HUS1B: variants seen among roughly 807,000 people sequenced by gnomAD.
HUS1B encodes HUS1 checkpoint clamp component B.
For missense variants in HUS1B, 475 were observed against 390.4 expected, an observed-to-expected ratio of 1.22 and a Z score of -1.83; for synonymous variants, 207 against 176.2, an observed-to-expected ratio of 1.17 and a Z score of -1.38.
Position 656,729 on chromosome 6 carries a change from C to A in HUS1B, c.216G>T (p.Ser72=), listed in dbSNP as rs763833864. The A allele has an allele frequency of 3.1e-6, 5 of 1,593,902 alleles. No homozygotes were observed. In the East Asian group the frequency reaches 9.0e-5, roughly 29 times the overall value. The change falls in exon 1 of 1, where the codon TCG becomes TCT. Residue 72 remains serine (S), a synonymous_variant. Transcript: ENST00000380907. Reference sequence around the variant, plus strand: ...CCAGGTGGATCTCATCGAGATCTTCCGAGACACCTTCCATGCGAAACTGCT... The same window carrying A: ...CCAGGTGGATCTCATCGAGATCTTCAGAGACACCTTCCATGCGAAACTGCT... ...AFQQFRMEGV[S]EDLDEIHLEL...
Position 656,041 on chromosome 6 carries a change from A to G in HUS1B, c.*67T>C. The G allele has an allele frequency of 1.7e-6, 2 of 1,203,050 alleles. No homozygotes were observed. Among genetic ancestry groups the G allele is most frequent in the Non-Finnish European group, 2.4e-6 (2 of 837,206 alleles). The allele number at this position is 1,203,050 out of a possible 1,614,324, so 74.5% of individuals were successfully genotyped here. On this transcript the variant is annotated 3_prime_UTR_variant, in exon 1 of 1. Coordinates refer to ENST00000380907, the MANE Select transcript of HUS1B (RefSeq NM_148959.4). ...AAGGTCCAAATTTTCAACCCAATTA[A>G]CTCAGGGTCTGTTTTAGTTTTGAAA...
rs201117840 is a variant in HUS1B, at chr6:656,546, G to A, written c.399C>T (p.Pro133=). The A allele has an allele frequency of 1.1e-4, 169 of 1,600,032 alleles. 1 individual carries two copies. Among genetic ancestry groups the A allele is most frequent in the Admixed American group, 1.5e-4 (9 of 59,568 alleles). ...GRARSVVHDL[P]VRVLPRRVWR... Reference sequence around the variant, plus strand: ...ACACTCTCCTGGGAAGCACCCGCACGGGCAGATCGTGCACCACGCTGCGAG... The same window carrying A: ...ACACTCTCCTGGGAAGCACCCGCACAGGCAGATCGTGCACCACGCTGCGAG... Residue 133 remains proline (P), a synonymous_variant, in exon 1 of 1, where the codon CCC becomes CCT. Transcript: ENST00000380907.
In HUS1B at chr6:656,841, C is replaced by T. The variant is rs757961681; in HGVS notation, c.104G>A (p.Arg35His). 2.5e-6 allele frequency: 4 copies of T among 1,610,498 alleles called. No homozygotes were observed. The highest frequency in any genetic ancestry group is 1.3e-5 in the African/African-American group (1 of 74,802). The change falls in exon 1 of 1, where the codon CGC becomes CAC. Residue 35 changes from arginine (R) to histidine (H), a missense_variant. By Grantham distance (29) the Arg-to-His change is conservative (BLOSUM62 0). Transcript: ENST00000380907. ...GGGGCCGAAGCACAGGCTGTCAGGG[C>T]GCACGCGGAGCACGCAGACCTTCGC... is the stretch of plus-strand genomic sequence containing the variant. Reference protein sequence around the residue: ...RLAKVCVLRVRPDSLCFGPAG... With the variant: ...RLAKVCVLRVHPDSLCFGPAG...
chr6:656,043 T>A lies in HUS1B; in HGVS notation c.*65A>T. On this transcript the variant is annotated 3_prime_UTR_variant, in exon 1 of 1. Coordinates refer to ENST00000380907, the MANE Select transcript of HUS1B (RefSeq NM_148959.4). ...GGTCCAAATTTTCAACCCAATTAAC[T>A]CAGGGTCTGTTTTAGTTTTGAAAAG... The A allele has an allele frequency of 1.6e-6, 2 of 1,220,368 alleles. No homozygotes were observed. The highest frequency in any genetic ancestry group is 1.4e-5 in the South Asian group (1 of 71,498). The allele number at this position is 1,220,368 out of a possible 1,614,324, so 75.6% of individuals were successfully genotyped here. A position where few individuals can be genotyped will look rare whatever the true frequency, so the allele number is the denominator to read the frequency against.
chr6:656,089 A>C lies in HUS1B; in HGVS notation c.*19T>G, dbSNP rs760522430. 2 of 1,552,394 alleles carry C rather than the reference A, an allele frequency of 1.3e-6. No homozygotes were observed. The highest frequency in any genetic ancestry group is 1.8e-6 in the Non-Finnish European group (2 of 1,131,492). On this transcript the variant is annotated 3_prime_UTR_variant, in exon 1 of 1. Transcript: ENST00000380907. Reference sequence around the variant, plus strand: ...AAAAGATCAAAACCTTAAAAAAAAAATCTAAGCTGGCTGAATTTTTACAAG... The same window carrying C: ...AAAAGATCAAAACCTTAAAAAAAAACTCTAAGCTGGCTGAATTTTTACAAG...
chr6:656,769 C>T lies in HUS1B; in HGVS notation c.176G>A (p.Arg59Gln), dbSNP rs1277098746. The T allele has an allele frequency of 6.3e-7, 1 of 1,592,722 alleles. No homozygotes were observed. Among genetic ancestry groups the T allele is most frequent in the South Asian group, 1.1e-5 (1 of 89,010 alleles). The change falls in exon 1 of 1, where the codon CGG becomes CAG. Residue 59 changes from arginine to glutamine, a missense_variant. Arg to Gln is a conservative substitution (Grantham distance 43). Coordinates refer to ENST00000380907, the MANE Select transcript of HUS1B (RefSeq NM_148959.4). ...LHEARLWCEV[R>Q]QGAFQQFRME... ...GCGAAACTGCTGGAAGGCCCCCTGCCGCACCTCGCACCACAGCCTGGCCTC... is the reference window on the plus strand; with the variant it reads ...GCGAAACTGCTGGAAGGCCCCCTGCTGCACCTCGCACCACAGCCTGGCCTC...
At position 656,466 on chromosome 6, in the gene HUS1B, G is replaced by C. The variant is rs773687295; in HGVS notation, c.479C>G (p.Pro160Arg). The change falls in exon 1 of 1, where the codon CCG becomes CGG. Residue 160 changes from proline to arginine, a missense_variant. Transcript: ENST00000380907. ...GATGCTCCTCAGCGTCCTCCAGCGCGGCAGGCGGATGCTCGCGTCGGAGGC... is the reference window on the plus strand; with the variant it reads ...GATGCTCCTCAGCGTCCTCCAGCGCCGCAGGCGGATGCTCGCGTCGGAGGC... ...LRASDASIRL[P>R]RWRTLRSIVE... The C allele has an allele frequency of 4.3e-6, 7 of 1,612,110 alleles. No individual in the cohort carries two copies. The highest frequency in any genetic ancestry group is 5.9e-6 in the Non-Finnish European group (7 of 1,179,208).
the HUS1B span, chr6:656,471 G>GCGGATGCT: frequency 6.2e-7 from 1 of 1,611,478 alleles, no homozygotes; most frequent in South Asian, 1.1e-5. Flanking sequence ...AGCGCGGCAG[G>GCGGATGCT]CGGATGCTCG....
chr6:657,060 C>G lies in HUS1B; in HGVS notation c.-116G>C. ...CCCCGCCCTCCCTCCGGCCCCCCAG[C>G]TAGGCAGGCACTCGGGTTCCCGGTT... is the stretch of plus-strand genomic sequence containing the variant. On this transcript the variant is annotated 5_prime_UTR_variant, in exon 1 of 1. Coordinates refer to ENST00000380907, the MANE Select transcript of HUS1B (RefSeq NM_148959.4). The G allele has an allele frequency of 2.3e-6, 2 of 870,044 alleles. No individual in the cohort carries two copies. The highest frequency in any genetic ancestry group is 1.7e-6 in the Non-Finnish European group (1 of 593,324). The allele number at this position is 870,044 out of a possible 1,614,324, so 53.9% of individuals were successfully genotyped here.
Position 656,332 on chromosome 6 carries a change from T to C in HUS1B, c.613A>G (p.Lys205Glu). 6.2e-7 allele frequency: 1 copy of C among 1,614,158 alleles called. No homozygotes were observed. Reference protein sequence around the residue: ...TEVVSIQSYFKNLGNPPQSAV... With the variant: ...TEVVSIQSYFENLGNPPQSAV... Reference sequence around the variant, plus strand: ...GACTGGGGAGGGTTTCCAAGATTTTTAAAATAACTTTGAATGGACACCACC... The same window carrying C: ...GACTGGGGAGGGTTTCCAAGATTTTCAAAATAACTTTGAATGGACACCACC... The change falls in exon 1 of 1, where the codon AAA becomes GAA. Residue 205 changes from lysine (K) to glutamate (E), a missense_variant. Lys to Glu is a moderately conservative substitution (Grantham distance 56). Transcript: ENST00000380907.
rs1763153820 is a variant in HUS1B, at chr6:656,976, G to T, written c.-32C>A. On this transcript the variant is annotated 5_prime_UTR_variant, in exon 1 of 1. Coordinates refer to ENST00000380907, the MANE Select transcript of HUS1B (RefSeq NM_148959.4). ...ACAGGGAAGGCAGCTGGGGGCCTCTGAGGGGGATTCCGCGTGCCACAAGCC... is the reference window on the plus strand; with the variant it reads ...ACAGGGAAGGCAGCTGGGGGCCTCTTAGGGGGATTCCGCGTGCCACAAGCC... The T allele has an allele frequency of 2.7e-6, 4 of 1,485,902 alleles. No homozygotes were observed. In the East Asian group the frequency reaches 9.9e-5, roughly 37 times the overall value. 92.0% of individuals were successfully genotyped at this position (1,485,902 alleles called of 1,614,324 possible).
rs201176240 is a variant in HUS1B, at chr6:656,464, G to C, written c.481C>G (p.Arg161Gly). 13 of 1,612,334 alleles carry C rather than the reference G, an allele frequency of 8.1e-6. No homozygotes were observed. The highest frequency in any genetic ancestry group is 1.3e-5 in the African/African-American group (1 of 75,074). The change falls in exon 1 of 1, where the codon CGC (arginine) becomes GGC (glycine). Residue 161 changes from arginine (R) to glycine (G), a missense_variant. Transcript: ENST00000380907. The part of the protein sequence containing the change: ...RASDASIRLP[R>G]WRTLRSIVER... ...ACGATGCTCCTCAGCGTCCTCCAGCGCGGCAGGCGGATGCTCGCGTCGGAG... is the reference window on the plus strand; with the variant it reads ...ACGATGCTCCTCAGCGTCCTCCAGCCCGGCAGGCGGATGCTCGCGTCGGAG...
chr6:657,054 C>A lies in HUS1B; in HGVS notation c.-110G>T. 1 of 933,104 alleles carries A rather than the reference C, an allele frequency of 1.1e-6. No homozygotes were observed. The allele number at this position is 933,104 out of a possible 1,614,324, so 57.8% of individuals were successfully genotyped here. ...TGCCCTCCCCGCCCTCCCTCCGGCC[C>A]CCCAGCTAGGCAGGCACTCGGGTTC... On this transcript the variant is annotated 5_prime_UTR_variant, in exon 1 of 1. Coordinates refer to ENST00000380907, the MANE Select transcript of HUS1B (RefSeq NM_148959.4).
Position 656,722 on chromosome 6 carries a change from G to A in HUS1B, c.223C>T (p.Leu75Phe). 6.3e-7 allele frequency: 1 copy of A among 1,597,040 alleles called. No homozygotes were observed. Among genetic ancestry groups the A allele is most frequent in the Non-Finnish European group, 8.5e-7 (1 of 1,170,600 alleles). ...GTCAGCTCCAGGTGGATCTCATCGA[G>A]ATCTTCCGAGACACCTTCCATGCGA... ...QFRMEGVSED[L>F]DEIHLELTAE... Residue 75 changes from leucine (L) to phenylalanine (F), a missense_variant, in exon 1 of 1, where the codon CTC (leucine) becomes TTC (phenylalanine). Transcript: ENST00000380907.
Position 655,985 on chromosome 6 carries a change from C to T in HUS1B, c.*123G>A, listed in dbSNP as rs915287635. 2.8e-6 allele frequency: 2 copies of T among 707,800 alleles called. No individual in the cohort carries two copies. Among genetic ancestry groups the T allele is most frequent in the African/African-American group, 3.6e-5 (2 of 56,318 alleles). 43.8% of individuals were successfully genotyped at this position (707,800 alleles called of 1,614,324 possible). A position where few individuals can be genotyped will look rare whatever the true frequency, so the allele number is the denominator to read the frequency against. ...TAAATTTTGCAAAGGAGGAAGGGCT[C>T]AACAAAATATACGCCCTGCATAAGT... On this transcript the variant is annotated 3_prime_UTR_variant, in exon 1 of 1. Transcript: ENST00000380907.
Position 656,411 on chromosome 6 carries a change from G to T in HUS1B, c.534C>A (p.His178Gln), listed in dbSNP as rs201200803. Residue 178 changes from histidine (H) to glutamine (Q), a missense_variant, in exon 1 of 1, where the codon CAC (histidine) becomes CAA (glutamine). By Grantham distance (24) the His-to-Gln change is conservative. Coordinates refer to ENST00000380907, the MANE Select transcript of HUS1B (RefSeq NM_148959.4). ...IVERMANVGS[H>Q]VLVEANLSGR... ...CACTGAGGTTTGCTTCCACCAGCAC[G>T]TGACTGCCCACGTTCGCCATCCTCT... is the stretch of plus-strand genomic sequence containing the variant. 6.2e-7 allele frequency: 1 copy of T among 1,614,098 alleles called. No individual in the cohort carries two copies.
rs375336054 is a variant in HUS1B, at chr6:656,989, C to T, written c.-45G>A. ...CTGGGGGCCTCTGAGGGGGATTCCG[C>T]GTGCCACAAGCCCTTCCGGTCCGCT... On this transcript the variant is annotated 5_prime_UTR_variant, in exon 1 of 1. Coordinates refer to ENST00000380907, the MANE Select transcript of HUS1B (RefSeq NM_148959.4). 43 of 1,456,654 alleles carry T rather than the reference C, an allele frequency of 3.0e-5. No individual in the cohort carries two copies. Among genetic ancestry groups the T allele is most frequent in the Non-Finnish European group, 3.1e-5 (34 of 1,086,542 alleles). The allele number at this position is 1,456,654 out of a possible 1,614,324, so 90.2% of individuals were successfully genotyped here. A position where few individuals can be genotyped will look rare whatever the true frequency, so the allele number is the denominator to read the frequency against.
rs769156118 is a variant in HUS1B at position 656,571 on chromosome 6, G to A, written c.374C>T (p.Ala125Val). Residue 125 changes from alanine to valine, a missense_variant, in exon 1 of 1, where the codon GCT (alanine) becomes GTT (valine). By Grantham distance (64) the Ala-to-Val change is moderately conservative (BLOSUM62 0). Transcript: ENST00000380907. ...GGGCAGATCGTGCACCACGCTGCGA[G>A]CGCGGCCCAGGGACGAGACCAGCTC... Reference protein sequence around the residue: ...AVELVSSLGRARSVVHDLPVR... With the variant: ...AVELVSSLGRVRSVVHDLPVR... 5.0e-6 allele frequency: 8 copies of A among 1,591,938 alleles called. No individual in the cohort carries two copies. Among genetic ancestry groups the A allele is most frequent in the Non-Finnish European group, 6.8e-6 (8 of 1,170,108 alleles).
Position 656,078 on chromosome 6 carries a change from T to A in HUS1B, c.*30A>T, listed in dbSNP as rs1344445843. ...TTTTAGTTTTGAAAAGATCAAAACC[T>A]TAAAAAAAAAATCTAAGCTGGCTGA... On this transcript the variant is annotated 3_prime_UTR_variant, in exon 1 of 1. Coordinates refer to ENST00000380907, the MANE Select transcript of HUS1B (RefSeq NM_148959.4). 1 of 1,540,612 alleles carries A rather than the reference T, an allele frequency of 6.5e-7. No individual in the cohort carries two copies. Among genetic ancestry groups the A allele is most frequent in the Admixed American group, 1.8e-5 (1 of 56,180 alleles).
Sources: allele counts gnomAD v4.1 joint callset, GRCh38; gene constraint gnomAD v4.1.1; transcripts MANE v1.5; gene names NCBI Gene and HGNC (gene_info 2026-07-23, HGNC 2026-07-21).